Variants in ANKRD45 observed in about 807,000 individuals in gnomAD.
ANKRD45 encodes ankyrin repeat domain-containing protein 45.
ANKRD45 carries 21 observed loss-of-function variants against 28.1 expected under a neutral mutation model. The ratio of observed to expected loss-of-function variants is 0.75; its 90% confidence interval spans 0.53 to 1.08. ANKRD45 has a LOEUF of 1.08. Ranked by LOEUF, ANKRD45 falls within the 50% of genes least tolerant of loss-of-function variation. The pLI is 0.00. For missense variants in ANKRD45, 261 were observed against 308.7 expected (o/e 0.85, Z 1.16); for synonymous variants, 86 against 103.9 (o/e 0.83, Z 1.05).
chr1:173,631,657 T>C (rs1571716705), intron 3 of ANKRD45, among the ~76,000 whole-genome samples: 1 of 152,080 alleles, frequency 6.6e-6, no homozygotes, highest in Non-Finnish European at 1.5e-5. Flanking sequence ...CACAATGGAA[T>C]AAAGCTAGAA....
intron 5 of ANKRD45, among the ~76,000 whole-genome samples, chr1:173,620,836 A>G (rs1391855475): frequency 1.3e-5 from 2 of 152,116 alleles, no homozygotes; most frequent in African/African-American, 4.8e-5. Flanking sequence ...CAGAGACACA[A>G]AAAAACCCTT....
the ANKRD45 span, among the ~76,000 whole-genome samples, chr1:173,706,794 T>C: frequency 6.6e-6 from 1 of 152,190 alleles, no homozygotes; most frequent in Non-Finnish European, 1.5e-5. Flanking sequence ...ACTTATTTTA[T>C]TTTTGCAAGT....
At chr1:173,657,298 C>A (rs2102383402) in intron 2 of ANKRD45, 1 of 320,598 alleles carries the variant, frequency 3.1e-6, no homozygotes. Flanking sequence ...AAAACCCCCT[C>A]TCCACTAAAA....
chr1:173,630,829 A>AG (rs994504657), intron 3 of ANKRD45, among the ~76,000 whole-genome samples: 1 of 146,392 alleles, frequency 6.8e-6, no homozygotes, highest in Non-Finnish European at 1.5e-5. Flanking sequence ...AAAAAAAAAA[A>AG]AAAAAAAAAA....
chr1:173,697,266 A>G, the ANKRD45 span, among the ~76,000 whole-genome samples: 1 of 152,278 alleles, frequency 6.6e-6, no homozygotes, highest in Non-Finnish European at 1.5e-5. Context: ...GGAGAACTTC[A>G]CCAACCTAGC....
chr1:173,672,797 C>G (rs1314811322), upstream of ANKRD45, among the ~76,000 whole-genome samples: 2 of 152,128 alleles, frequency 1.3e-5, no homozygotes, highest in Non-Finnish European at 2.9e-5. Context: ...AGCCACACCC[C>G]CTGCAAGCTT....
chr1:173,631,311 C>A (rs1285415199), intron 3 of ANKRD45, among the ~76,000 whole-genome samples: 1 of 151,998 alleles, frequency 6.6e-6, no homozygotes, highest in Non-Finnish European at 1.5e-5. Context: ...GCTGGAGCAC[C>A]CAGATATTTA....
At position 173,624,842 on chromosome 1, in the gene ANKRD45, C is replaced by G. The variant is rs753085501; in HGVS notation, c.675G>C (p.Gln225His). Residue 225 changes from glutamine (Q) to histidine (H), a missense_variant, in exon 5 of 6, where the codon CAG becomes CAC. By Grantham distance (24) the Gln-to-His change is conservative. Coordinates refer to ENST00000333279, the MANE Select transcript of ANKRD45 (RefSeq NM_198493.3). ...TCACAATATCTTCCAGTTGTTGTCT[C>G]TGCTCAAAAAGCTCATTAATGGAAG... ...TEASINELFE[Q>H]RQQLEDIVTP... 6.2e-7 allele frequency: 1 copy of G among 1,613,838 alleles called. No individual in the cohort carries two copies. The highest frequency in any genetic ancestry group is 1.1e-5 in the South Asian group (1 of 91,060).
At chr1:173,617,030 C>G (rs576172292) in intron 5 of ANKRD45, among the ~76,000 whole-genome samples, 71 of 152,108 alleles carry the variant, frequency 4.7e-4, no homozygotes, top group African/African-American at 1.7e-3. Context: ...AAGTGAGAAA[C>G]CACACTTCTC....
the ANKRD45 span, among the ~76,000 whole-genome samples, chr1:173,705,554 C>T: frequency 2.7e-5 from 4 of 150,528 alleles, no homozygotes; most frequent in Admixed American, 2.6e-4. Flanking sequence ...GTAGTCCCAA[C>T]TATTTGTGGG....
At chr1:173,702,667 T>C in the ANKRD45 span, among the ~76,000 whole-genome samples, 1 of 150,734 alleles carries the variant, frequency 6.6e-6, no homozygotes, top group South Asian at 2.1e-4. Context: ...TCTTTATTGC[T>C]GGCAGTCTGC....
At chr1:173,685,904 G>A in the ANKRD45 span, among the ~76,000 whole-genome samples, 2 of 152,162 alleles carry the variant, frequency 1.3e-5, no homozygotes, top group South Asian at 2.1e-4. Flanking sequence ...GACAGTTAGC[G>A]GGGGAGGGCT....
chr1:173,632,433 C>T (rs560111341), intron 3 of ANKRD45, among the ~76,000 whole-genome samples: 1 of 151,050 alleles, frequency 6.6e-6, no homozygotes, highest in East Asian at 2.0e-4. Context: ...CATTCCTACT[C>T]AAACTATTCT....
At chr1:173,711,010 A>G in the ANKRD45 span, among the ~76,000 whole-genome samples, 1 of 151,452 alleles carries the variant, frequency 6.6e-6, no homozygotes, top group Non-Finnish European at 1.5e-5. Flanking sequence ...ACTTAAAAAG[A>G]AAAAAAAAGA....
the ANKRD45 span, among the ~76,000 whole-genome samples, chr1:173,687,454 A>ACC: frequency 0.04 from 2,956 of 74,262 alleles, 40 homozygotes; most frequent in Middle Eastern, 0.15. Flanking sequence ...TATAAATTCT[A>ACC]CCCCCCCCCC....
the ANKRD45 span, among the ~76,000 whole-genome samples, chr1:173,702,124 A>G: frequency 6.6e-6 from 1 of 152,206 alleles, no homozygotes; most frequent in Non-Finnish European, 1.5e-5. Context: ...GGATTGGAAA[A>G]GATCAGACAG....
chr1:173,671,023 T>G (rs147284883), upstream of ANKRD45, among the ~76,000 whole-genome samples: 1 of 152,324 alleles, frequency 6.6e-6, no homozygotes, highest in Non-Finnish European at 1.5e-5. Context: ...CCCTGGTTCC[T>G]CATAGGCTGA....
At chr1:173,631,249 G>A (rs190017970) in intron 3 of ANKRD45, among the ~76,000 whole-genome samples, 100 of 152,148 alleles carry the variant, frequency 6.6e-4, no homozygotes, top group African/African-American at 2.3e-3. Flanking sequence ...TAATAATAGA[G>A]GGGTCACTTC....
chr1:173,696,664 G>T, the ANKRD45 span, among the ~76,000 whole-genome samples: 1 of 152,082 alleles, frequency 6.6e-6, no homozygotes, highest in Non-Finnish European at 1.5e-5. Flanking sequence ...ATGCTGTTTC[G>T]GTTACTGTAG....
Sources: allele counts gnomAD v4.1 joint callset (sites outside exome capture counted in the v4.1 genomes callset), GRCh38; gene constraint gnomAD v4.1.1; transcripts MANE v1.5; gene names NCBI Gene and HGNC (gene_info 2026-07-23, HGNC 2026-07-21).